FNIP1: variants seen among roughly 807,000 people sequenced by gnomAD.
The protein encoded by FNIP1 is folliculin-interacting protein 1.
A neutral mutation model predicts 124.5 loss-of-function variants in FNIP1; 40 were observed. The observed-to-expected ratio is 0.32, with a 90% CI of 0.25 to 0.42. The LOEUF (loss-of-function observed/expected upper bound fraction) is 0.42. Ranked by LOEUF, FNIP1 falls within the 10% of genes least tolerant of loss-of-function variation. The pLI, the probability that FNIP1 is intolerant of heterozygous loss-of-function variation, is 1.00. For missense variants in FNIP1, 1,176 were observed against 1,403.7 expected (o/e 0.84, Z 2.59); for synonymous variants, 472 against 470.6 (o/e 1.00, Z -0.04).
chr5:131,724,503 G>A (rs188804426), intron 3 of FNIP1, among the ~76,000 whole-genome samples: 1 of 152,218 alleles, frequency 6.6e-6, no homozygotes, highest in Non-Finnish European at 1.5e-5. Context: ...CCGTGTAAAT[G>A]TCTTCTTTTG....
chr5:131,760,218 C>G (rs181127815), intron 1 of FNIP1, among the ~76,000 whole-genome samples: 1 of 151,892 alleles, frequency 6.6e-6, no homozygotes, highest in Non-Finnish European at 1.5e-5. Context: ...CATATGTACA[C>G]CCTGTATCTA....
chr5:131,663,349 T>C (rs1767502988), intron 15 of FNIP1, among the ~76,000 whole-genome samples: 1 of 152,230 alleles, frequency 6.6e-6, no homozygotes, highest in Non-Finnish European at 1.5e-5. Flanking sequence ...GTCAATGGAA[T>C]TTTTTCTTGA....
chr5:131,764,376 T>C (rs1248291896), intron 1 of FNIP1, among the ~76,000 whole-genome samples: 1 of 150,944 alleles, frequency 6.6e-6, no homozygotes, highest in Non-Finnish European at 1.5e-5. Flanking sequence ...GACATGTTCA[T>C]GGCTCACTGC....
chr5:131,788,853 T>C (rs547983793), intron 1 of FNIP1, among the ~76,000 whole-genome samples: 24 of 152,222 alleles, frequency 1.6e-4, no homozygotes, highest in South Asian at 1.0e-3. Flanking sequence ...ACCAAAATTA[T>C]AATATTTGCA....
At chr5:131,699,989 CTT>C (rs202023474) in intron 10 of FNIP1, among the ~76,000 whole-genome samples, 9 of 124,478 alleles carry the variant, frequency 7.2e-5, no homozygotes, top group Admixed American at 8.2e-5. Flanking sequence ...GTAATATTTG[CTT>C]TTTTTTTTTT....
intron 2 of FNIP1, among the ~76,000 whole-genome samples, chr5:131,741,663 G>A (rs1304461070): frequency 6.6e-6 from 1 of 152,220 alleles, no homozygotes; most frequent in Admixed American, 6.5e-5. Flanking sequence ...CAGATAAAAG[G>A]TACTCAAAGT....
chr5:131,671,807 C>T lies in FNIP1; in HGVS notation c.2637G>A (p.Lys879=), dbSNP rs1767760636. Residue 879 remains lysine, a synonymous_variant, in exon 14 of 18, where the codon AAG becomes AAA. Coordinates refer to ENST00000510461, the MANE Select transcript of FNIP1 (RefSeq NM_133372.3). ...TACATTTACAAAATTCATTGTTCTG[C>T]TTGTTATTTTTTGTACACAATATTT... The part of the protein sequence containing the change: ...FSKILCTKNN[K]QNNEFCKCIE... The T allele has an allele frequency of 6.2e-7, 1 of 1,613,980 alleles. No homozygotes were observed. Among genetic ancestry groups the T allele is most frequent in the South Asian group, 1.1e-5 (1 of 91,082 alleles).
At chr5:131,674,578 C>T (rs958425650) in intron 13 of FNIP1, among the ~76,000 whole-genome samples, 18 of 151,938 alleles carry the variant, frequency 1.2e-4, no homozygotes, top group African/African-American at 4.1e-4. Context: ...ATTAGCTGGG[C>T]ATGGTGGCGC....
At chr5:131,681,120 T>C (rs1394450794) in intron 11 of FNIP1, among the ~76,000 whole-genome samples, 4 of 152,166 alleles carry the variant, frequency 2.6e-5, no homozygotes, top group African/African-American at 9.7e-5. Context: ...AGAGCAGATA[T>C]AGCAGTTGAA....
intron 15 of FNIP1, among the ~76,000 whole-genome samples, chr5:131,657,019 CTTTTTTTTTTTT>C (rs71000999): frequency 2.5e-4 from 22 of 89,640 alleles, no homozygotes; most frequent in Admixed American, 7.9e-4. Flanking sequence ...CCACCCATGC[CTTTTTTTTTTTT>C]TTTTTTTTTT....
chr5:131,658,941 C>G (rs1456236592), intron 15 of FNIP1, among the ~76,000 whole-genome samples: 1 of 100,384 alleles, frequency 1.0e-5, no homozygotes, highest in African/African-American at 3.9e-5. Flanking sequence ...AAAAAATCAC[C>G]ACCAAAAACA....
chr5:131,666,415 T>C (rs1393435065), intron 15 of FNIP1, among the ~76,000 whole-genome samples: 7 of 152,216 alleles, frequency 4.6e-5, no homozygotes, highest in African/African-American at 1.7e-4. Flanking sequence ...CCTTCCTTTT[T>C]ACCATAGTGG....
At chr5:131,792,289 T>G (rs535112302) in intron 1 of FNIP1, among the ~76,000 whole-genome samples, 1 of 151,960 alleles carries the variant, frequency 6.6e-6, no homozygotes, top group South Asian at 2.1e-4. Flanking sequence ...GCCTCCTGAG[T>G]AGCTGGGATT....
Position 131,672,011 on chromosome 5 carries a change from C to G in FNIP1, c.2433G>C (p.Gln811His). ...CACAGGGCTCTTCAGAAACCATGTT[C>G]TGTGTATCAGACTCTCCAGATTGGT... ...TKDQSGESDT[Q>H]NMVSEEPCEL... is the part of the protein sequence containing the mutation. The change falls in exon 14 of 18, where the codon CAG (glutamine) becomes CAC (histidine). Residue 811 changes from glutamine to histidine, a missense_variant. Gln to His is a conservative substitution (Grantham distance 24). This residue lies in a region of FNIP1 where 1,109 missense variants were observed against 1,288.5 expected (regional missense o/e 0.86). Transcript: ENST00000510461. 6.2e-7 allele frequency: 1 copy of G among 1,614,168 alleles called. No homozygotes were observed. Among genetic ancestry groups the G allele is most frequent in the South Asian group, 1.1e-5 (1 of 91,078 alleles).
At chr5:131,695,027 C>T (rs2149527580) in intron 11 of FNIP1, among the ~76,000 whole-genome samples, 1 of 152,070 alleles carries the variant, frequency 6.6e-6, no homozygotes, top group East Asian at 1.9e-4. Flanking sequence ...TCACTTGAAC[C>T]CTGGGAGGCA....
rs370805829 is a variant in FNIP1, at chr5:131,744,658, A to G, written c.125T>C (p.Ile42Thr). 8 of 1,610,642 alleles carry G rather than the reference A, an allele frequency of 5.0e-6. No individual in the cohort carries two copies. The African/African-American group carries it at 1.1e-4, about 22-fold the overall frequency. Reference sequence around the variant, plus strand: ...ACAGTCTTGATATACAATCAGTCGAATCTGGCTTGGATCAAACTCTGGTAA... The same window carrying G: ...ACAGTCTTGATATACAATCAGTCGAGTCTGGCTTGGATCAAACTCTGGTAA... Reference protein sequence around the residue: ...WPLPEFDPSQIRLIVYQDCER... With the variant: ...WPLPEFDPSQTRLIVYQDCER... Residue 42 changes from isoleucine (I) to threonine (T), a missense_variant, in exon 2 of 18, where the codon ATT (isoleucine) becomes ACT (threonine). Physicochemically the swap from Ile to Thr is moderately conservative, Grantham distance 89. Coordinates refer to ENST00000510461, the MANE Select transcript of FNIP1 (RefSeq NM_133372.3).
intron 10 of FNIP1, 28 bp from the exon 11 acceptor site, chr5:131,699,030 T>C (rs1295806657): frequency 6.4e-7 from 1 of 1,574,150 alleles, no homozygotes; most frequent in Non-Finnish European, 8.6e-7. Context: ...AGATAGTTAA[T>C]TCTTATGTTA....
intron 1 of FNIP1, among the ~76,000 whole-genome samples, chr5:131,748,783 CT>C (rs1356653766): frequency 3.3e-5 from 5 of 151,858 alleles, no homozygotes; most frequent in South Asian, 4.2e-4. Flanking sequence ...AAGTGTACCC[CT>C]ACTTATAAAA....
intron 1 of FNIP1, among the ~76,000 whole-genome samples, 156 bp from the exon 2 acceptor site, chr5:131,744,846 G>A (rs1364593026): frequency 6.6e-6 from 1 of 150,870 alleles, no homozygotes; most frequent in Non-Finnish European, 1.5e-5. Flanking sequence ...CCAGTTCATG[G>A]CTGAAAACTT....
Sources: allele counts gnomAD v4.1 joint callset (sites outside exome capture counted in the v4.1 genomes callset), GRCh38; gene constraint gnomAD v4.1.1; regional missense constraint gnomAD v4.1.1; transcripts MANE v1.5; gene names NCBI Gene and HGNC (gene_info 2026-07-23, HGNC 2026-07-21).